The following ZCWPW1 variants were observed in gnomAD, a reference collection of about 807,000 sequenced individuals.
The protein encoded by ZCWPW1 is zinc finger CW-type PWWP domain protein 1.
In ZCWPW1, 56 loss-of-function variants were observed where a neutral mutation model predicts 81.3. That is an observed-to-expected ratio of 0.69 (90% CI 0.56 to 0.86). The LOEUF is 0.86. Among genes scored for constraint, ZCWPW1 ranks in the 40% least tolerant of loss-of-function variants. ZCWPW1 has a pLI of 0.00. For missense variants in ZCWPW1, 650 were observed against 769.8 expected (o/e 0.84, Z 1.84); for synonymous variants, 250 against 273.7 (o/e 0.91, Z 0.86).
intron 16 of ZCWPW1, 149 bp downstream of exon 16, chr7:100,402,367 C>T (rs1584238189): frequency 2.1e-6 from 2 of 930,412 alleles, no homozygotes; most frequent in South Asian, 2.6e-5. Flanking sequence ...GGGGTTCCAG[C>T]TCCCCATGAC....
At chr7:100,401,798 A>G in intron 17 of ZCWPW1, 91 bp downstream of exon 17, 1 of 1,477,848 alleles carries the variant, frequency 6.8e-7, no homozygotes, top group South Asian at 1.4e-5. Context: ...AAGTAATGAA[A>G]AGCTGTAAAA....
Position 100,402,558 on chromosome 7 carries a change from G to T in ZCWPW1, c.1432C>A (p.Arg478Ser). 1 of 1,614,094 alleles carries T rather than the reference G, an allele frequency of 6.2e-7. No individual in the cohort carries two copies. Among genetic ancestry groups the T allele is most frequent in the Non-Finnish European group, 8.5e-7 (1 of 1,180,002 alleles). Residue 478 changes from arginine to serine, a missense_variant, in exon 16 of 18, where the codon CGT becomes AGT. Physicochemically the swap from Arg to Ser is moderately radical, Grantham distance 110 (BLOSUM62 -1). Transcript: ENST00000684423. ...GEKTDPILPIRKRVKIQTQKT... is the reference protein window; with the variant it reads ...GEKTDPILPISKRVKIQTQKT... Reference sequence around the variant, plus strand: ...TGGGTCTGTATTTTGACTCGCTTACGAATGGGCAAAATTGGGTCCTGAGGA... The same window carrying T: ...TGGGTCTGTATTTTGACTCGCTTACTAATGGGCAAAATTGGGTCCTGAGGA...
intron 16 of ZCWPW1, 67 bp downstream of exon 16, chr7:100,402,449 G>C: frequency 1.3e-6 from 2 of 1,548,396 alleles, no homozygotes; most frequent in Non-Finnish European, 1.8e-6. Context: ...GCTACCTGCA[G>C]ACTCCCTCTC....
chr7:100,419,338 T>C, intron 4 of ZCWPW1, 149 bp from the exon 5 acceptor site: 3 of 771,120 alleles, frequency 3.9e-6, no homozygotes, highest in Non-Finnish European at 4.1e-6. Flanking sequence ...ATGAACTATA[T>C]CCCAGATCTC....
At chr7:100,407,415 C>CCTTGTCTCAGA in intron 10 of ZCWPW1, 112 bp from the exon 11 acceptor site, 7 of 929,850 alleles carry the variant, frequency 7.5e-6, no homozygotes, top group South Asian at 1.5e-5. Flanking sequence ...TTTTCTGAGA[C>CCTTGTCTCAGA]AAGGTCTCAC....
chr7:100,417,309 A>C, intron 5 of ZCWPW1, 126 bp from the exon 6 acceptor site: 1 of 618,236 alleles, frequency 1.6e-6, no homozygotes, highest in Non-Finnish European at 2.8e-6. Flanking sequence ...CATATCACAG[A>C]ACTTTAAATA....
At chr7:100,423,081 G>A (rs1412217917) in intron 2 of ZCWPW1, among the ~76,000 whole-genome samples, 1 of 152,010 alleles carries the variant, frequency 6.6e-6, no homozygotes, top group Non-Finnish European at 1.5e-5. Context: ...TATAGCTCTG[G>A]GAAGACCTTT....
chr7:100,416,319 C>A lies in ZCWPW1; in HGVS notation c.617G>T (p.Arg206Ile), dbSNP rs552549589. 110 of 1,613,836 alleles carry A rather than the reference C, an allele frequency of 6.8e-5. No individual in the cohort carries two copies. The highest frequency in any genetic ancestry group is 9.0e-5 in the Non-Finnish European group (106 of 1,179,970). The change falls in exon 7 of 18, where the codon AGA becomes ATA. Residue 206 changes from arginine to isoleucine, a missense_variant. Coordinates refer to ENST00000684423, the MANE Select transcript of ZCWPW1 (RefSeq NM_001386010.1). ...KKSNRLTLSK[R>I]KKEAQDEKVE... ...ACTGTACTTACGAGCTTCCTTCTTT[C>A]TTTTGCTTAAGGTGAGTCTATTGGA... is the stretch of plus-strand genomic sequence containing the variant.
In ZCWPW1 at chr7:100,403,679, T is replaced by G; in HGVS notation, c.1413+15A>C. 3 of 1,593,326 alleles carry G rather than the reference T, an allele frequency of 1.9e-6. No homozygotes were observed. The highest frequency in any genetic ancestry group is 2.6e-6 in the Non-Finnish European group (3 of 1,168,388). On this transcript the variant is annotated intron_variant, in intron 15 of 17. Transcript: ENST00000684423. ...TCTCTATAAAAATAAAAACTGAAATTAAAGCTAATCTTACTGTTTTCTCTC... is the reference window on the plus strand; with the variant it reads ...TCTCTATAAAAATAAAAACTGAAATGAAAGCTAATCTTACTGTTTTCTCTC...
At chr7:100,409,603 C>T in intron 8 of ZCWPW1, 59 bp from the exon 9 acceptor site, 1 of 1,279,350 alleles carries the variant, frequency 7.8e-7, no homozygotes, top group Non-Finnish European at 1.1e-6. Flanking sequence ...TTCTTTAATC[C>T]AACTAAAATC....
chr7:100,417,316 AATATT>A, intron 5 of ZCWPW1, 133 bp from the exon 6 acceptor site: 1 of 605,876 alleles, frequency 1.7e-6, no homozygotes, highest in South Asian at 2.3e-5. Context: ...CAGAACTTTA[AATATT>A]TAAATTTTCA....
At chr7:100,406,319 A>G (rs1792999434) in intron 12 of ZCWPW1, among the ~76,000 whole-genome samples, 1 of 152,128 alleles carries the variant, frequency 6.6e-6, no homozygotes, top group African/African-American at 2.4e-5. Context: ...ATGTTGCTAA[A>G]CATCCCACGA....
rs112001356 is a variant in ZCWPW1 at position 100,422,800 on chromosome 7, G to A, written c.-29-2122C>T. ...TTTGTGTCCATGTGTATGCAATGTTGAGCTCCCACTTTATAAGTGAGAATA... is the reference window on the plus strand; with the variant it reads ...TTTGTGTCCATGTGTATGCAATGTTAAGCTCCCACTTTATAAGTGAGAATA... On this transcript the variant is annotated intron_variant, in intron 2 of 17. Transcript: ENST00000684423. Among the ~76,000 whole-genome samples, 534 of 152,170 alleles carry A rather than the reference G, an allele frequency of 3.5e-3. 4 individuals carry two copies. The highest frequency in any genetic ancestry group is 0.012 in the African/African-American group (506 of 41,502).
intron 5 of ZCWPW1, among the ~76,000 whole-genome samples, chr7:100,417,960 C>T (rs1195221230): frequency 6.6e-6 from 1 of 151,900 alleles, no homozygotes; most frequent in African/African-American, 2.4e-5. Flanking sequence ...TCTCGGCTCA[C>T]TGCAACTTCC....
chr7:100,415,733 T>C (rs1457060064), intron 8 of ZCWPW1, among the ~76,000 whole-genome samples: 1 of 152,210 alleles, frequency 6.6e-6, no homozygotes, highest in Non-Finnish European at 1.5e-5. Context: ...TTACCACATC[T>C]TCATTTTCTT....
chr7:100,416,529 G>A (rs889390852), intron 6 of ZCWPW1, 73 bp from the exon 7 acceptor site: 16 of 1,513,820 alleles, frequency 1.1e-5, no homozygotes, highest in African/African-American at 2.8e-5. Context: ...GAAAAAACCC[G>A]AGTAAAAGGA....
chr7:100,418,804 TAATA>T (rs1795825463), intron 5 of ZCWPW1: 1 of 157,156 alleles, frequency 6.4e-6, no homozygotes, highest in Non-Finnish European at 1.4e-5. Context: ...AAAAAAAAAA[TAATA>T]AATAAGTAAA....
intron 8 of ZCWPW1, among the ~76,000 whole-genome samples, chr7:100,413,013 A>G (rs1039364263): frequency 5.3e-5 from 8 of 152,122 alleles, no homozygotes; most frequent in Non-Finnish European, 1.0e-4. Context: ...TCTGCCTCCC[A>G]AAGTGCTGGG....
At chr7:100,428,254 G>A (rs553618745) in intron 1 of ZCWPW1, among the ~76,000 whole-genome samples, 75 of 152,294 alleles carry the variant, frequency 4.9e-4, no homozygotes, top group Middle Eastern at 3.4e-3. Flanking sequence ...CCGCCACCAA[G>A]AAAAGGCACG....
Sources: allele counts gnomAD v4.1 joint callset (sites outside exome capture counted in the v4.1 genomes callset), GRCh38; gene constraint gnomAD v4.1.1; transcripts MANE v1.5; gene names NCBI Gene and HGNC (gene_info 2026-07-23, HGNC 2026-07-21).